Variants in AKAP8L observed in about 807,000 individuals in gnomAD.
The protein encoded by AKAP8L is A-kinase anchoring protein 8 like.
A neutral mutation model predicts 77.5 loss-of-function variants in AKAP8L; 34 were observed. The observed-to-expected ratio is 0.44, with a 90% CI of 0.33 to 0.58. The LOEUF (loss-of-function observed/expected upper bound fraction) is 0.58, where lower values mean the gene tolerates loss of function less well. Among genes scored for constraint, AKAP8L ranks in the 20% least tolerant of loss-of-function variants. AKAP8L has a pLI of 0.02. For missense variants in AKAP8L, 806 were observed against 887.6 expected (o/e 0.91, Z 1.17); for synonymous variants, 342 against 340.7 (o/e 1.00, Z -0.04).
intron 7 of AKAP8L, 170 bp downstream of exon 7, chr19:15,400,624 G>A (rs1967873105): frequency 3.5e-6 from 3 of 851,124 alleles, no homozygotes; most frequent in African/African-American, 3.4e-5. Flanking sequence ...AGGAAACTGT[G>A]CCTCCAGCTA....
chr19:15,398,009 G>T lies in AKAP8L; in HGVS notation c.1158-154C>A, dbSNP rs1225669386. On this transcript the variant is annotated intron_variant, in intron 9 of 13. Transcript: ENST00000397410. This position sits in a 1 kb window ranked among gnomAD's most constrained non-coding sequence, Gnocchi z 9.2. The stretch of plus-strand genomic sequence containing the variant: ...AGAGGGACAGGCTGGGACCAGTGGG[G>T]TCGGGAGTAGAAAGGGCCAGAAAGT... The T allele has an allele frequency of 5.4e-6, 5 of 918,954 alleles. No homozygotes were observed. Among genetic ancestry groups the T allele is most frequent in the Non-Finnish European group, 6.4e-6 (4 of 623,042 alleles). 56.9% of individuals were successfully genotyped at this position (918,954 alleles called of 1,614,324 possible). A position where few individuals can be genotyped will look rare whatever the true frequency, so the allele number is the denominator to read the frequency against.
At chr19:15,395,117 C>T (rs996479250) in intron 12 of AKAP8L, among the ~76,000 whole-genome samples, 9 of 152,108 alleles carry the variant, frequency 5.9e-5, no homozygotes, top group African/African-American at 2.2e-4. Context: ...GCAAGCTCTG[C>T]CTCCTGGGTT....
chr19:15,397,974 C>T lies in AKAP8L; in HGVS notation c.1158-119G>A, dbSNP rs774870456. 1.1e-4 allele frequency: 147 copies of T among 1,297,226 alleles called. No homozygotes were observed. Among genetic ancestry groups the T allele is most frequent in the Non-Finnish European group, 1.2e-4 (118 of 945,574 alleles). The allele number at this position is 1,297,226 out of a possible 1,614,324, so 80.4% of individuals were successfully genotyped here. A position where few individuals can be genotyped will look rare whatever the true frequency, so the allele number is the denominator to read the frequency against. On this transcript the variant is annotated intron_variant, in intron 9 of 13. Coordinates refer to ENST00000397410, the MANE Select transcript of AKAP8L (RefSeq NM_014371.4). The surrounding 1 kb of genome is among the most constrained non-coding windows in gnomAD (Gnocchi z 4.7). ...GCCTTGCTCACGGGCCTCTGAAGTA[C>T]GGTCCCAGCAGAGGGACAGGCTGGG... is the stretch of plus-strand genomic sequence containing the variant.
At chr19:15,409,906 G>A (rs1968074706) in intron 2 of AKAP8L, among the ~76,000 whole-genome samples, 1 of 151,904 alleles carries the variant, frequency 6.6e-6, no homozygotes, top group Non-Finnish European at 1.5e-5. Flanking sequence ...ACTATGCTGG[G>A]ACTAAGTTAA....
chr19:15,408,992 G>A (rs1968057620), intron 2 of AKAP8L, among the ~76,000 whole-genome samples: 1 of 151,914 alleles, frequency 6.6e-6, no homozygotes, highest in Non-Finnish European at 1.5e-5. Flanking sequence ...AACCTATACT[G>A]CACACCTTGT....
chr19:15,398,461 G>A lies in AKAP8L; in HGVS notation c.1158-606C>T, dbSNP rs958666606. 3.2e-5 allele frequency: 15 copies of A among 473,446 alleles called. 1 individual carries two copies. The East Asian group carries it at 6.1e-4, about 19-fold the overall frequency. 29.3% of individuals were successfully genotyped at this position (473,446 alleles called of 1,614,324 possible). A position where few individuals can be genotyped will look rare whatever the true frequency, so the allele number is the denominator to read the frequency against. The stretch of plus-strand genomic sequence containing the variant: ...GACCAGTCTGAGCTGGAAGGAGGGC[G>A]CCCGCTCGGCCTGCCAGAGGGCAGC... On this transcript the variant is annotated intron_variant, in intron 9 of 13. Coordinates refer to ENST00000397410, the MANE Select transcript of AKAP8L (RefSeq NM_014371.4). This position sits in a 1 kb window ranked among gnomAD's most constrained non-coding sequence, Gnocchi z 9.2.
chr19:15,397,039 T>C lies in AKAP8L; in HGVS notation c.1536+111A>G. The stretch of plus-strand genomic sequence containing the variant: ...GGAAATGTCCATATCCACCTCCTCC[T>C]GCCTCCACTGCAGTCCCTCACGGGC... On this transcript the variant is annotated intron_variant, in intron 12 of 13. Transcript: ENST00000397410. This position sits in a 1 kb window ranked among gnomAD's most constrained non-coding sequence, Gnocchi z 4.7. 1.4e-6 allele frequency: 2 copies of C among 1,465,434 alleles called. No homozygotes were observed. The highest frequency in any genetic ancestry group is 4.6e-5 in the East Asian group (2 of 43,786). The allele number at this position is 1,465,434 out of a possible 1,614,324, so 90.8% of individuals were successfully genotyped here. A position where few individuals can be genotyped will look rare whatever the true frequency, so the allele number is the denominator to read the frequency against.
intron 2 of AKAP8L, among the ~76,000 whole-genome samples, chr19:15,405,128 G>C (rs1456368609): frequency 6.6e-6 from 1 of 152,206 alleles, no homozygotes; most frequent in African/African-American, 2.4e-5. Flanking sequence ...TCTGCCTGTT[G>C]GTAAGAGAGA....
intron 1 of AKAP8L, among the ~76,000 whole-genome samples, chr19:15,413,553 CAGGGAT>C (rs1386658800): frequency 6.6e-6 from 1 of 152,102 alleles, no homozygotes; most frequent in Non-Finnish European, 1.5e-5. Flanking sequence ...GGATTCCTTC[CAGGGAT>C]CTGGACCTTC....
chr19:15,383,729 C>T (rs908040834), intron 12 of AKAP8L: 1 of 152,102 alleles, frequency 6.6e-6, no homozygotes, highest in African/African-American at 2.4e-5. Context: ...ATCAATCTCT[C>T]AGCTATTGTT....
intron 12 of AKAP8L, among the ~76,000 whole-genome samples, chr19:15,390,225 G>A (rs1425084981): frequency 6.6e-6 from 1 of 151,972 alleles, no homozygotes; most frequent in East Asian, 1.9e-4. Flanking sequence ...ATACCAGCCT[G>A]GGTAACATGA....
chr19:15,400,234 C>T (rs1307062117), intron 8 of AKAP8L, 61 bp downstream of exon 8: 2 of 1,565,946 alleles, frequency 1.3e-6, no homozygotes, highest in Admixed American at 3.3e-5. Context: ...TCAGCTGGGT[C>T]CCTCCCACTG....
At position 15,397,154 on chromosome 19, in the gene AKAP8L, C is replaced by T. The variant is rs775893272; in HGVS notation, c.1532G>A (p.Arg511His). ...GAGAGCACTGTGGCCACTCACCCTG[C>T]GGTTCCGGTTGTGATCCATGGTCTT... is the stretch of plus-strand genomic sequence containing the variant. ...HLKTMDHNRNRRLMMEQSKKS... is the reference protein window; with the variant it reads ...HLKTMDHNRNHRLMMEQSKKS... The change falls in exon 12 of 14, where the codon CGC becomes CAC. Residue 511 changes from arginine to histidine, a missense_variant. Around this residue, in one of 2 missense-constraint regions of AKAP8L, gnomAD observed 226 missense variants for 193.5 expected, o/e 1.17. Coordinates refer to ENST00000397410, the MANE Select transcript of AKAP8L (RefSeq NM_014371.4). This position sits in a 1 kb window ranked among gnomAD's most constrained non-coding sequence, Gnocchi z 4.7. 10 of 1,613,622 alleles carry T rather than the reference C, an allele frequency of 6.2e-6. No individual in the cohort carries two copies. The highest frequency in any genetic ancestry group is 6.8e-6 in the Non-Finnish European group (8 of 1,179,866).
Position 15,380,440 on chromosome 19 carries a change from G to A in AKAP8L, c.1633-10C>T, listed in dbSNP as rs750836113. On this transcript the variant is annotated splice_polypyrimidine_tract_variant and intron_variant, in intron 13 of 13. Coordinates refer to ENST00000397410, the MANE Select transcript of AKAP8L (RefSeq NM_014371.4). ...TGAAAGGGTTCTCGCCCTGTGGGGA[G>A]GGGCGCGGACACTGAAGGGAGGGAG... 9.3e-6 allele frequency: 15 copies of A among 1,608,734 alleles called. No homozygotes were observed. The highest frequency in any genetic ancestry group is 1.7e-5 in the Admixed American group (1 of 59,252).
chr19:15,408,290 C>T (rs1968039210), intron 2 of AKAP8L, among the ~76,000 whole-genome samples: 1 of 152,138 alleles, frequency 6.6e-6, no homozygotes, highest in Admixed American at 6.6e-5. Context: ...ATAGGCCTGG[C>T]ACAGTGGCTC....
chr19:15,408,939 G>A (rs1235073820), intron 2 of AKAP8L, among the ~76,000 whole-genome samples: 4 of 151,824 alleles, frequency 2.6e-5, no homozygotes, highest in Admixed American at 6.6e-5. Context: ...AATGGTGCTG[G>A]AACAATTATA....
chr19:15,414,340 A>G (rs904531101), intron 1 of AKAP8L, among the ~76,000 whole-genome samples: 2 of 152,152 alleles, frequency 1.3e-5, no homozygotes, highest in Non-Finnish European at 2.9e-5. Context: ...TACAGGCGTG[A>G]GCCACCACGC....
intron 1 of AKAP8L, chr19:15,417,838 A>T (rs4809190): frequency 0.78 from 118,352 of 152,184 alleles, 46,231 homozygotes; most frequent in East Asian, 0.99. Flanking sequence ...CCTGGCCGAG[A>T]AGCCTCATCA....
chr19:15,410,569 A>G lies in AKAP8L; in HGVS notation c.39T>C (p.Thr13=). The change falls in exon 2 of 14, where the codon ACT becomes ACC. Residue 13 remains threonine (T), a synonymous_variant. Coordinates refer to ENST00000397410, the MANE Select transcript of AKAP8L (RefSeq NM_014371.4). ...TGGTATCCGAGTATGTCGACTGCAAAGTGGTTTCAGATCCCTGGACAAAGC... is the reference window on the plus strand; with the variant it reads ...TGGTATCCGAGTATGTCGACTGCAAGGTGGTTTCAGATCCCTGGACAAAGC... ...YTGFVQGSET[T]LQSTYSDTSA... 1 of 1,594,152 alleles carries G rather than the reference A, an allele frequency of 6.3e-7. No homozygotes were observed. Among genetic ancestry groups the G allele is most frequent in the East Asian group, 2.3e-5 (1 of 44,290 alleles).
Sources: allele counts gnomAD v4.1 joint callset (sites outside exome capture counted in the v4.1 genomes callset), GRCh38; gene constraint gnomAD v4.1.1; regional missense constraint gnomAD v4.1.1; non-coding constraint Gnocchi (gnomAD v3.1); transcripts MANE v1.5; gene names NCBI Gene and HGNC (gene_info 2026-07-23, HGNC 2026-07-21).